The following LONP2 variants were observed in gnomAD, a reference collection of about 807,000 sequenced individuals.
The protein encoded by LONP2 is lon protease homolog 2, peroxisomal.
Under a neutral mutation model 85.6 loss-of-function variants are expected in LONP2, and 60 were observed. The ratio of observed to expected loss-of-function variants is 0.70; its 90% CI spans 0.57 to 0.87. LONP2 has a LOEUF of 0.87. Among genes scored for constraint, LONP2 ranks in the 40% least tolerant of loss-of-function variants. LONP2 has a pLI of 0.00. For missense variants in LONP2, 860 were observed against 1,063.5 expected (o/e 0.81, Z 2.66); for synonymous variants, 395 against 389.7 (o/e 1.01, Z -0.16).
chr16:48,353,496 CAAAAAAAAAAAAA>C lies in LONP2; in HGVS notation c.*1703_*1715del, dbSNP rs11331502. ...TGGGCGACAGAGTGAGACCCTGTCT[CAAAAAAAAAAAAA>C]AAAAAAAAGATTGGGCCAAAATACT... On this transcript the variant is annotated 3_prime_UTR_variant, in exon 15 of 15. Transcript: ENST00000285737. 1 of 67,122 alleles carries C rather than the reference CAAAAAAAAAAAAA, an allele frequency of 1.5e-5. No homozygotes were observed. The highest frequency in any genetic ancestry group is 1.6e-4 in the Admixed American group (1 of 6,094). 4.2% of individuals were successfully genotyped at this position (67,122 alleles called of 1,614,324 possible).
chr16:48,258,044 C>T (rs1388507504), intron 3 of LONP2, among the ~76,000 whole-genome samples: 1 of 152,182 alleles, frequency 6.6e-6, no homozygotes, highest in African/African-American at 2.4e-5. Flanking sequence ...CTGGTTTTTT[C>T]ATCTTAAAAA....
intron 14 of LONP2, among the ~76,000 whole-genome samples, chr16:48,349,262 A>G (rs1960066737): frequency 6.8e-6 from 1 of 146,040 alleles, no homozygotes; most frequent in African/African-American, 2.7e-5. Flanking sequence ...AAAAAAAAAG[A>G]AATAGTCTTT....
At chr16:48,305,529 A>G (rs1415068951) in intron 11 of LONP2, among the ~76,000 whole-genome samples, 3 of 152,208 alleles carry the variant, frequency 2.0e-5, no homozygotes, top group Non-Finnish European at 2.9e-5. Context: ...TGCTGGGATT[A>G]CAGGTGTGAG....
intron 10 of LONP2, among the ~76,000 whole-genome samples, chr16:48,302,597 A>G (rs1039640829): frequency 6.6e-6 from 1 of 152,266 alleles, no homozygotes; most frequent in Non-Finnish European, 1.5e-5. Context: ...TCTTTTTCAC[A>G]AAGTCCTCAA....
chr16:48,271,721 AAATAAT>A (rs981121320), intron 7 of LONP2, among the ~76,000 whole-genome samples: 6 of 152,270 alleles, frequency 3.9e-5, no homozygotes, highest in African/African-American at 1.2e-4. Flanking sequence ...ATCTCTAAAA[AAATAAT>A]AATAATAAAT....
At chr16:48,266,576 T>C (rs1971995423) in intron 6 of LONP2, among the ~76,000 whole-genome samples, 1 of 152,200 alleles carries the variant, frequency 6.6e-6, no homozygotes, top group Non-Finnish European at 1.5e-5. Flanking sequence ...AATCTGTATT[T>C]TCTAAAATTT....
chr16:48,334,093 A>G, intron 11 of LONP2, 123 bp from the exon 12 acceptor site: 2 of 796,684 alleles, frequency 2.5e-6, no homozygotes, highest in Non-Finnish European at 3.9e-6. Context: ...GTTTGCCTTG[A>G]TAAATGCATA....
intron 2 of LONP2, among the ~76,000 whole-genome samples, chr16:48,254,889 T>C (rs1353046200): frequency 2.6e-5 from 4 of 152,184 alleles, no homozygotes; most frequent in African/African-American, 7.2e-5. Context: ...GTTTTAACTG[T>C]TTTATTTTCG....
chr16:48,336,324 T>G, intron 12 of LONP2: 1 of 456,226 alleles, frequency 2.2e-6, no homozygotes, highest in Non-Finnish European at 4.4e-6. Flanking sequence ...CATGTGAGCT[T>G]TAACATAGTA....
chr16:48,249,164 A>T (rs983960487), intron 1 of LONP2, among the ~76,000 whole-genome samples: 1 of 152,332 alleles, frequency 6.6e-6, no homozygotes, highest in Non-Finnish European at 1.5e-5. Flanking sequence ...TTAAAACATT[A>T]TCTTAAAACC....
intron 12 of LONP2, among the ~76,000 whole-genome samples, chr16:48,347,279 A>G (rs1393090576): frequency 6.6e-6 from 1 of 152,246 alleles, no homozygotes; most frequent in East Asian, 1.9e-4. Flanking sequence ...CATATATTTT[A>G]AGGTAAAATT....
At chr16:48,350,046 G>C (rs562790679) in intron 14 of LONP2, among the ~76,000 whole-genome samples, 18 of 152,264 alleles carry the variant, frequency 1.2e-4, no homozygotes, top group African/African-American at 4.1e-4. Flanking sequence ...AAGTCCAGGA[G>C]TTCAAGACCA....
intron 12 of LONP2, chr16:48,334,618 C>T: frequency 1.6e-6 from 1 of 631,552 alleles, no homozygotes; most frequent in Non-Finnish European, 2.9e-6. Context: ...AGAGGGAAGG[C>T]TCCGTAATGC....
intron 6 of LONP2, 29 bp from the exon 7 acceptor site, chr16:48,269,987 C>T: frequency 1.3e-6 from 2 of 1,586,978 alleles, no homozygotes; most frequent in Non-Finnish European, 1.7e-6. Context: ...TTTATGTGTT[C>T]TAATTATTTC....
At chr16:48,249,732 T>A (rs553883006) in intron 1 of LONP2, among the ~76,000 whole-genome samples, 2 of 152,068 alleles carry the variant, frequency 1.3e-5, no homozygotes, top group South Asian at 4.2e-4. Context: ...AAAAAAAAAT[T>A]TTTTTAAAGG....
intron 8 of LONP2, among the ~76,000 whole-genome samples, chr16:48,279,013 T>G (rs1972270989): frequency 6.6e-6 from 1 of 152,126 alleles, no homozygotes; most frequent in Non-Finnish European, 1.5e-5. Flanking sequence ...TCTCTGCATG[T>G]TCTTTTATAG....
At chr16:48,350,808 A>G (rs994692194) in intron 14 of LONP2, among the ~76,000 whole-genome samples, 1 of 152,122 alleles carries the variant, frequency 6.6e-6, no homozygotes, top group Non-Finnish European at 1.5e-5. Context: ...AACTGCTTCC[A>G]TGGTGGTTGA....
At chr16:48,277,953 T>G (rs187580682) in intron 8 of LONP2, among the ~76,000 whole-genome samples, 1 of 152,104 alleles carries the variant, frequency 6.6e-6, no homozygotes, top group Non-Finnish European at 1.5e-5. Flanking sequence ...AGGTGAAGAT[T>G]TTACCTTTTT....
chr16:48,344,836 C>A (rs1245405353), intron 12 of LONP2: 3 of 152,260 alleles, frequency 2.0e-5, no homozygotes, highest in Non-Finnish European at 4.4e-5. Flanking sequence ...GGTGGGAGAT[C>A]ACCTGAGCCC....
Sources: allele counts gnomAD v4.1 joint callset (sites outside exome capture counted in the v4.1 genomes callset), GRCh38; gene constraint gnomAD v4.1.1; transcripts MANE v1.5; gene names NCBI Gene and HGNC (gene_info 2026-07-23, HGNC 2026-07-21).